The following SPIDR variants were observed in gnomAD, a reference collection of about 807,000 sequenced individuals.
The protein encoded by SPIDR is scaffold protein involved in DNA repair.
SPIDR carries 93 observed loss-of-function variants against 104.6 expected under a neutral mutation model. The observed-to-expected ratio is 0.89, with a 90% confidence interval of 0.75 to 1.06. The LOEUF is 1.06. Among genes scored for constraint, SPIDR ranks in the 50% least tolerant of loss-of-function variants. The pLI, the probability that SPIDR is intolerant of heterozygous loss-of-function variation, is 0.00. For missense variants in SPIDR, 1,154 were observed against 1,111.2 expected, an observed-to-expected ratio of 1.04 and a Z score of -0.55; for synonymous variants, 431 against 416.9, an observed-to-expected ratio of 1.03 and a Z score of -0.41.
intron 19 of SPIDR, among the ~76,000 whole-genome samples, chr8:47,731,105 A>G (rs2085139909): frequency 6.6e-6 from 1 of 151,996 alleles, no homozygotes; most frequent in African/African-American, 2.4e-5. Flanking sequence ...TAAAAATACA[A>G]AAAAGCTGGG....
At chr8:47,353,052 CAAA>C (rs57853552) in intron 5 of SPIDR, among the ~76,000 whole-genome samples, 3 of 75,560 alleles carry the variant, frequency 4.0e-5, no homozygotes, top group Admixed American at 1.5e-4. Flanking sequence ...GACTCTATCT[CAAA>C]AAAAAAAAAA....
At chr8:47,547,599 A>G (rs1171095015) in intron 8 of SPIDR, among the ~76,000 whole-genome samples, 1 of 150,954 alleles carries the variant, frequency 6.6e-6, no homozygotes, top group Non-Finnish European at 1.5e-5. Context: ...CGCCCAGCTA[A>G]TTTTTGTATT....
At chr8:47,522,095 C>G (rs532198945) in intron 8 of SPIDR, among the ~76,000 whole-genome samples, 8 of 149,282 alleles carry the variant, frequency 5.4e-5, no homozygotes, top group African/African-American at 1.7e-4. Context: ...ACCTGAGAGA[C>G]AGAGATTGCA....
chr8:47,539,747 T>TA (rs527539176), intron 8 of SPIDR, among the ~76,000 whole-genome samples: 2,583 of 139,212 alleles, frequency 0.019, 22 homozygotes, highest in Middle Eastern at 0.066. Context: ...CTTTTCTTCT[T>TA]AAAAAAAAAA....
At chr8:47,573,864 A>G (rs1392426830) in intron 8 of SPIDR, among the ~76,000 whole-genome samples, 4 of 152,184 alleles carry the variant, frequency 2.6e-5, no homozygotes, top group Non-Finnish European at 1.5e-5. Context: ...TTGCTATGTG[A>G]CATTCTGAGG....
At chr8:47,360,324 C>T (rs1249455947) in intron 5 of SPIDR, among the ~76,000 whole-genome samples, 7 of 147,260 alleles carry the variant, frequency 4.8e-5, no homozygotes, top group South Asian at 2.2e-4. Flanking sequence ...TCAGGCTCTT[C>T]GTCTAATTGC....
At chr8:47,429,247 A>G (rs1554687365) in intron 7 of SPIDR, among the ~76,000 whole-genome samples, 1 of 152,204 alleles carries the variant, frequency 6.6e-6, no homozygotes, top group Admixed American at 6.5e-5. Flanking sequence ...CTAGAAATAG[A>G]GGAAGGGGTA....
At chr8:47,712,265 T>C (rs2081991962) in intron 14 of SPIDR, among the ~76,000 whole-genome samples, 1 of 152,214 alleles carries the variant, frequency 6.6e-6, no homozygotes, top group South Asian at 2.1e-4. Flanking sequence ...GCAAGTAAGA[T>C]CTGTTCCTAA....
At chr8:47,370,677 C>T (rs1006338608) in intron 5 of SPIDR, among the ~76,000 whole-genome samples, 2 of 151,620 alleles carry the variant, frequency 1.3e-5, no homozygotes, top group Non-Finnish European at 2.9e-5. Context: ...GTCTCAAACT[C>T]CTGACCTTGG....
chr8:47,565,544 G>T (rs1173393465), intron 8 of SPIDR, among the ~76,000 whole-genome samples: 1 of 151,836 alleles, frequency 6.6e-6, no homozygotes, highest in African/African-American at 2.4e-5. Flanking sequence ...GAAAAAAATA[G>T]TTTATACCTT....
At chr8:47,718,439 G>A (rs1158283684) in intron 16 of SPIDR, among the ~76,000 whole-genome samples, 2 of 151,236 alleles carry the variant, frequency 1.3e-5, no homozygotes, top group Middle Eastern at 3.5e-3. Context: ...TAAGCCAGTT[G>A]TATTTAGGCA....
intron 7 of SPIDR, among the ~76,000 whole-genome samples, chr8:47,422,242 T>A (rs910770634): frequency 6.6e-6 from 1 of 152,174 alleles, no homozygotes; most frequent in Non-Finnish European, 1.5e-5. Flanking sequence ...CTCCTTGAGC[T>A]CCAGTGGGCT....
chr8:47,356,046 A>ATGAG (rs1704163462), intron 5 of SPIDR, among the ~76,000 whole-genome samples: 1 of 152,102 alleles, frequency 6.6e-6, no homozygotes, highest in Admixed American at 6.5e-5. Context: ...ATCATCATGA[A>ATGAG]TGAGTGAGTG....
At chr8:47,674,029 AAAAG>A in intron 11 of SPIDR, 88 bp downstream of exon 11, 8 of 1,460,558 alleles carry the variant, frequency 5.5e-6, no homozygotes, top group Non-Finnish European at 7.3e-6. Flanking sequence ...TTTTAAAATT[AAAAG>A]GCAATAAACC....
intron 15 of SPIDR, 23 bp downstream of exon 15, chr8:47,712,895 T>G (rs773114202): frequency 6.2e-7 from 1 of 1,613,438 alleles, no homozygotes; most frequent in South Asian, 1.1e-5. Flanking sequence ...CTCCACAGCT[T>G]TGATGCAGGG....
At position 47,663,109 on chromosome 8, in the gene SPIDR, C is replaced by T. The variant is rs182133728; in HGVS notation, c.1545-10692C>T. Among the ~76,000 whole-genome samples, 6 of 152,360 alleles carry T rather than the reference C, an allele frequency of 3.9e-5. No individual in the cohort carries two copies. The East Asian group carries it at 5.8e-4, about 15-fold the overall frequency. On this transcript the variant is annotated intron_variant, in intron 10 of 19. Transcript: ENST00000297423. ...TCTCAGCCACGGAAAACCTCTTTCC[C>T]GTCCTAGGGTTTCATACATGCTATG... is the stretch of plus-strand genomic sequence containing the variant.
intron 16 of SPIDR, among the ~76,000 whole-genome samples, chr8:47,721,684 C>A (rs2083421737): frequency 6.6e-6 from 1 of 152,068 alleles, no homozygotes; most frequent in Admixed American, 6.6e-5. Context: ...ACCATGTTAG[C>A]CAGGTTGGTC....
intron 8 of SPIDR, among the ~76,000 whole-genome samples, chr8:47,464,279 A>G (rs1249899272): frequency 6.6e-6 from 1 of 152,196 alleles, no homozygotes; most frequent in East Asian, 1.9e-4. Flanking sequence ...ATCGACTACA[A>G]TAGTATTTTT....
Position 47,352,278 on chromosome 8 carries a change from CA to C in SPIDR, c.526-44084del, listed in dbSNP as rs35556300. Among the ~76,000 whole-genome samples, 103 of 130,772 alleles carry C rather than the reference CA, an allele frequency of 7.9e-4. 1 individual carries two copies. The highest frequency in any genetic ancestry group is 7.4e-4 in the African/African-American group (23 of 30,990). The allele number at this position is 130,772 out of a possible 152,430, so 85.8% of individuals were successfully genotyped here. A position where few individuals can be genotyped will look rare whatever the true frequency, so the allele number is the denominator to read the frequency against. On this transcript the variant is annotated intron_variant, in intron 5 of 19. Coordinates refer to ENST00000297423, the MANE Select transcript of SPIDR (RefSeq NM_001080394.4). ...GTGACAGAGCCAGACTCCATCTCAA[CA>C]AAAAAAAAAAAAAGAAAGAAAGAAA...
Sources: gnomAD v4.1 joint callset for allele counts (sites outside exome capture counted in the v4.1 genomes callset) on GRCh38, gnomAD v4.1.1 for gene constraint, MANE v1.5 for transcripts, NCBI Gene and HGNC (gene_info 2026-07-23, HGNC 2026-07-21) for gene names.